Variants in CNIH3 observed in about 807,000 individuals in gnomAD.
CNIH3 encodes cornichon family AMPA receptor auxiliary protein 3, also known as protein cornichon homolog 3.
CNIH3 carries 14 observed loss-of-function variants against 24.1 expected under a neutral mutation model. That is an observed-to-expected ratio of 0.58 (90% CI 0.38 to 0.91). CNIH3 has a LOEUF of 0.91. CNIH3 is among the 40% of genes least tolerant of loss of function. CNIH3 has a pLI of 0.00. For synonymous variants in CNIH3, 68 were observed against 73.8 expected, an observed-to-expected ratio of 0.92 and a Z score of 0.40; for missense variants, 178 against 196.8, an observed-to-expected ratio of 0.90 and a Z score of 0.57.
chr1:224,456,576 A>G (rs1438829144), intron 1 of CNIH3, among the ~76,000 whole-genome samples: 3 of 151,996 alleles, frequency 2.0e-5, no homozygotes, highest in African/African-American at 7.2e-5. Context: ...ACACCCAGCT[A>G]ATTTTTGTAT....
chr1:224,644,599 C>G (rs1253050861), intron 1 of CNIH3, among the ~76,000 whole-genome samples: 1 of 152,102 alleles, frequency 6.6e-6, no homozygotes, highest in Non-Finnish European at 1.5e-5. Context: ...ACCCTTATAC[C>G]TTTAGCTTTG....
intron 5 of CNIH3, 27 bp from the exon 6 acceptor site, chr1:224,739,302 T>C (rs1453339871): frequency 3.1e-6 from 4 of 1,289,440 alleles, no homozygotes; most frequent in African/African-American, 3.2e-5. Flanking sequence ...TCTCTTTTTT[T>C]TTTTTTTTTT....
At chr1:224,513,709 G>A (rs1162249357), upstream of CNIH3, 1 of 152,242 alleles carries the variant, frequency 6.6e-6, no homozygotes, top group Admixed American at 6.5e-5. Flanking sequence ...TGGCATGAAG[G>A]AGGAGACACA....
chr1:224,617,367 TC>T (rs1165211359), intron 1 of CNIH3, 112 bp downstream of exon 1: 1 of 1,167,184 alleles, frequency 8.6e-7, no homozygotes, highest in African/African-American at 1.5e-5. Flanking sequence ...GGTTGGACCT[TC>T]TGCCGCTCCA....
At chr1:224,717,067 AC>A (rs1304288230) in intron 3 of CNIH3, among the ~76,000 whole-genome samples, 1 of 152,066 alleles carries the variant, frequency 6.6e-6, no homozygotes, top group Non-Finnish European at 1.5e-5. Context: ...CACCCCTTGC[AC>A]CACGACAGTG....
At chr1:224,720,849 C>T (rs1424280169) in intron 3 of CNIH3, among the ~76,000 whole-genome samples, 6 of 152,124 alleles carry the variant, frequency 3.9e-5, no homozygotes, top group Middle Eastern at 3.2e-3. Flanking sequence ...CGTGATGGAA[C>T]GGAGATTTTC....
chr1:224,483,682 G>T (rs1192608467), intron 1 of CNIH3, among the ~76,000 whole-genome samples: 1 of 151,998 alleles, frequency 6.6e-6, no homozygotes, highest in Non-Finnish European at 1.5e-5. Context: ...ACAGGTGTGA[G>T]CCACCACACC....
chr1:224,527,944 T>A (rs1044259349), intron 2 of CNIH3, among the ~76,000 whole-genome samples: 1 of 152,208 alleles, frequency 6.6e-6, no homozygotes. Flanking sequence ...CGTATCTGTA[T>A]ATGTACACAC....
intron 3 of CNIH3, among the ~76,000 whole-genome samples, chr1:224,564,780 C>G (rs1680513135): frequency 6.6e-6 from 1 of 152,240 alleles, no homozygotes. Flanking sequence ...GATTGTCCTG[C>G]TCTACCTTCC....
intron 3 of CNIH3, chr1:224,717,825 CAGAG>C (rs1290245616): frequency 6.6e-6 from 1 of 152,342 alleles, no homozygotes; most frequent in East Asian, 1.9e-4. Context: ...GGATGTACAA[CAGAG>C]AGATACACTG....
intron 1 of CNIH3, among the ~76,000 whole-genome samples, chr1:224,487,010 TA>T (rs1216610069): frequency 2.0e-5 from 3 of 152,190 alleles, no homozygotes; most frequent in African/African-American, 7.2e-5. Flanking sequence ...ACCAAACTCA[TA>T]AATGTCACAT....
At chr1:224,496,513 A>C (rs1677446137) in intron 1 of CNIH3, among the ~76,000 whole-genome samples, 1 of 152,216 alleles carries the variant, frequency 6.6e-6, no homozygotes, top group Non-Finnish European at 1.5e-5. Flanking sequence ...TAGCAGTATG[A>C]GCACAGGCCA....
At chr1:224,725,124 C>T (rs900200285) in intron 3 of CNIH3, among the ~76,000 whole-genome samples, 1 of 152,132 alleles carries the variant, frequency 6.6e-6, no homozygotes, top group African/African-American at 2.4e-5. Flanking sequence ...GCAGGAGAAT[C>T]ACTTGAACCT....
intron 1 of CNIH3, among the ~76,000 whole-genome samples, chr1:224,463,788 T>A (rs1452766575): frequency 3.3e-5 from 4 of 119,530 alleles, no homozygotes; most frequent in African/African-American, 6.9e-5. Context: ...TTTTTTTTTT[T>A]TTTTTTTTTT....
At chr1:224,590,478 A>G (rs944891836), downstream of CNIH3, among the ~76,000 whole-genome samples, 4 of 152,202 alleles carry the variant, frequency 2.6e-5, no homozygotes, top group Admixed American at 1.3e-4. Flanking sequence ...ATTTATAAAG[A>G]ACAGAAGTTT....
chr1:224,479,245 C>T (rs1352799857), intron 1 of CNIH3, among the ~76,000 whole-genome samples: 1 of 150,746 alleles, frequency 6.6e-6, no homozygotes, highest in African/African-American at 2.5e-5. Context: ...CCTCTGCCTC[C>T]CAGGTTAAAG....
At chr1:224,731,344 A>G (rs977394366) in intron 4 of CNIH3, among the ~76,000 whole-genome samples, 4 of 152,170 alleles carry the variant, frequency 2.6e-5, no homozygotes, top group Admixed American at 2.6e-4. Flanking sequence ...CATAGATTCT[A>G]TTCCCTGCTA....
chr1:224,709,883 A>T (rs936654747), intron 3 of CNIH3, among the ~76,000 whole-genome samples: 1 of 152,320 alleles, frequency 6.6e-6, no homozygotes. Context: ...CTGAAGTTGC[A>T]GATAGTACCA....
intron 1 of CNIH3, among the ~76,000 whole-genome samples, chr1:224,631,324 A>G (rs764749539): frequency 1.6e-4 from 24 of 151,836 alleles, no homozygotes; most frequent in Non-Finnish European, 2.5e-4. Flanking sequence ...TCCATTCATC[A>G]GCTTTCCCAT....
Sources: allele counts gnomAD v4.1 joint callset (sites outside exome capture counted in the v4.1 genomes callset), GRCh38; gene constraint gnomAD v4.1.1; transcripts MANE v1.5; gene names NCBI Gene and HGNC (gene_info 2026-07-23, HGNC 2026-07-21).